FICD: variants seen among roughly 807,000 people sequenced by gnomAD.
The protein encoded by FICD is FIC domain protein adenylyltransferase.
A neutral mutation model predicts 28.0 loss-of-function variants in FICD; 13 were observed. The observed-to-expected ratio is 0.46, with a 90% confidence interval of 0.30 to 0.74. FICD has a LOEUF of 0.74. FICD is among the 30% of genes least tolerant of loss of function. The pLI is 0.07. For missense variants in FICD, 576 were observed against 624.5 expected, an observed-to-expected ratio of 0.92 and a Z score of 0.83; for synonymous variants, 268 against 266.4, an observed-to-expected ratio of 1.01 and a Z score of -0.06.
Position 108,518,780 on chromosome 12 carries a change from T to C in FICD, c.682T>C (p.Tyr228His), listed in dbSNP as rs1481152447. The change falls in exon 3 of 3, where the codon TAC (tyrosine) becomes CAC (histidine). Residue 228 changes from tyrosine to histidine, a missense_variant. Physicochemically the swap from Tyr to His is moderately conservative, Grantham distance 83. Coordinates refer to ENST00000552695, the MANE Select transcript of FICD (RefSeq NM_007076.3). This position sits in a 1 kb window ranked among gnomAD's most constrained non-coding sequence, Gnocchi z 4.4. ...GGAGGAGACCTACTACCATCACATCTACCACACAGTGGCCATCGAGGGCAA... is the reference window on the plus strand; with the variant it reads ...GGAGGAGACCTACTACCATCACATCCACCACACAGTGGCCATCGAGGGCAA... ...VMEETYYHHI[Y>H]HTVAIEGNTL... 1 of 1,614,162 alleles carries C rather than the reference T, an allele frequency of 6.2e-7. No homozygotes were observed. Among genetic ancestry groups the C allele is most frequent in the Admixed American group, 1.7e-5 (1 of 60,022 alleles).
At position 108,519,351 on chromosome 12, in the gene FICD, T is replaced by G; in HGVS notation, c.1253T>G (p.Ile418Ser). 1 of 1,614,104 alleles carries G rather than the reference T, an allele frequency of 6.2e-7. No homozygotes were observed. Among genetic ancestry groups the G allele is most frequent in the Non-Finnish European group, 8.5e-7 (1 of 1,180,016 alleles). ...GACGTGAGGCCTTTCATTCGCTTCA[T>G]CGCCAAGTGTACTGAGACCACCCTG... is the stretch of plus-strand genomic sequence containing the variant. ...EGDVRPFIRF[I>S]AKCTETTLDT... The change falls in exon 3 of 3, where the codon ATC becomes AGC. Residue 418 changes from isoleucine (I) to serine (S), a missense_variant. Coordinates refer to ENST00000552695, the MANE Select transcript of FICD (RefSeq NM_007076.3). The surrounding 1 kb of genome is among the most constrained non-coding windows in gnomAD (Gnocchi z 4.5).
chr12:108,515,697 C>G (rs1463474274), intron 1 of FICD, among the ~76,000 whole-genome samples: 1 of 152,186 alleles, frequency 6.6e-6, no homozygotes, highest in African/African-American at 2.4e-5. Context: ...CCTATTAAAG[C>G]GCACCCCAAG....
At chr12:108,515,806 G>A (rs1464493228) in intron 1 of FICD, among the ~76,000 whole-genome samples, 1 of 152,228 alleles carries the variant, frequency 6.6e-6, no homozygotes, top group African/African-American at 2.4e-5. Context: ...CCCAGAGCAG[G>A]TGCACAGGCC....
In FICD at chr12:108,519,223, G is replaced by C; in HGVS notation, c.1125G>C (p.Leu375=). 6.2e-7 allele frequency: 1 copy of C among 1,614,234 alleles called. No homozygotes were observed. The highest frequency in any genetic ancestry group is 8.5e-7 in the Non-Finnish European group (1 of 1,180,046). ...FIDGNGRTSR[L]LMNLILMQAG... ...ATGGCAACGGGAGGACCTCCCGTCT[G>C]CTCATGAACCTCATCCTCATGCAGG... is the stretch of plus-strand genomic sequence containing the variant. Residue 375 remains leucine (L), a synonymous_variant, in exon 3 of 3, where the codon CTG becomes CTC. Coordinates refer to ENST00000552695, the MANE Select transcript of FICD (RefSeq NM_007076.3). This position sits in a 1 kb window ranked among gnomAD's most constrained non-coding sequence, Gnocchi z 4.5.
In FICD at chr12:108,516,949, C is replaced by A; in HGVS notation, c.-24C>A. ...TCTCTCAGCCGCCTGTGGACATGCG[C>A]AAAGGGCCCTCTCCTGAGTCCAGAT... is the stretch of plus-strand genomic sequence containing the variant. On this transcript the variant is annotated 5_prime_UTR_variant, in exon 2 of 3. Transcript: ENST00000552695. 6.9e-7 allele frequency: 1 copy of A among 1,451,248 alleles called. No homozygotes were observed. The highest frequency in any genetic ancestry group is 9.2e-7 in the Non-Finnish European group (1 of 1,092,542). The allele number at this position is 1,451,248 out of a possible 1,614,324, so 89.9% of individuals were successfully genotyped here.
chr12:108,517,266 C>G lies in FICD; in HGVS notation c.294C>G (p.Ala98=). The change falls in exon 2 of 3, where the codon GCC becomes GCG. Residue 98 remains alanine, a synonymous_variant. Coordinates refer to ENST00000552695, the MANE Select transcript of FICD (RefSeq NM_007076.3). ...CGCTGCTGGTGGCCAAGACCAAGGC[C>G]TCTCCAGGTAAGACAGACTGGCCGT... ...GATLLVAKTK[A]SPAGKLEARA... 2.0e-6 allele frequency: 3 copies of G among 1,529,328 alleles called. No individual in the cohort carries two copies. In the South Asian group the frequency reaches 3.8e-5, roughly 19 times the overall value. 94.7% of individuals were successfully genotyped at this position (1,529,328 alleles called of 1,614,324 possible).
rs756743501 is a variant in FICD at position 108,518,407 on chromosome 12, G to A, written c.309G>A (p.Lys103=). 2 of 1,613,842 alleles carry A rather than the reference G, an allele frequency of 1.2e-6. No individual in the cohort carries two copies. The highest frequency in any genetic ancestry group is 4.5e-5 in the East Asian group (2 of 44,874). Reference sequence around the variant, plus strand: ...TCTTTGGCTCTCTTCCAGCGGGTAAGTTGGAAGCCAGAGCTGCCCTGAACC... The same window carrying A: ...TCTTTGGCTCTCTTCCAGCGGGTAAATTGGAAGCCAGAGCTGCCCTGAACC... ...VAKTKASPAG[K]LEARAALNQA... Residue 103 remains lysine (K), a synonymous_variant, in exon 3 of 3, where the codon AAG becomes AAA. Coordinates refer to ENST00000552695, the MANE Select transcript of FICD (RefSeq NM_007076.3). The surrounding 1 kb of genome is among the most constrained non-coding windows in gnomAD (Gnocchi z 4.4).
Position 108,519,034 on chromosome 12 carries a change from A to C in FICD, c.936A>C (p.Thr312=), listed in dbSNP as rs1440329560. The C allele has an allele frequency of 1.9e-6, 3 of 1,614,228 alleles. No individual in the cohort carries two copies. Among genetic ancestry groups the C allele is most frequent in the Non-Finnish European group, 2.5e-6 (3 of 1,180,032 alleles). ...TGGAAGCCGGCAGGTTTCGGACAAC[A>C]CAGGTCCTGGTCGGACACCACATCC... The part of the protein sequence containing the change: ...DPVEAGRFRT[T]QVLVGHHIPP... The change falls in exon 3 of 3, where the codon ACA becomes ACC. Residue 312 remains threonine, a synonymous_variant. Transcript: ENST00000552695. This position sits in a 1 kb window ranked among gnomAD's most constrained non-coding sequence, Gnocchi z 4.5.
chr12:108,517,386 C>A, intron 2 of FICD, 113 bp downstream of exon 2: 1 of 837,350 alleles, frequency 1.2e-6, no homozygotes, highest in Non-Finnish European at 1.7e-6. Context: ...CAGCCCTGAG[C>A]TCCTAGTATA....
chr12:108,518,155 C>A lies in FICD; in HGVS notation c.302-245C>A, dbSNP rs922179132. 3 of 702,404 alleles carry A rather than the reference C, an allele frequency of 4.3e-6. No homozygotes were observed. In the African/African-American group the frequency reaches 5.2e-5, roughly 12 times the overall value. The allele number at this position is 702,404 out of a possible 1,614,324, so 43.5% of individuals were successfully genotyped here. On this transcript the variant is annotated intron_variant, in intron 2 of 2. Coordinates refer to ENST00000552695, the MANE Select transcript of FICD (RefSeq NM_007076.3). This position sits in a 1 kb window ranked among gnomAD's most constrained non-coding sequence, Gnocchi z 4.4. The stretch of plus-strand genomic sequence containing the variant: ...GCTAGGAAGCCAAGGAGGTGCCTCC[C>A]AGAATACAAGAGAGTGGCTCTGGGG...
chr12:108,517,203 C>T lies in FICD; in HGVS notation c.231C>T (p.Ser77=), dbSNP rs1307619996. Residue 77 remains serine, a synonymous_variant, in exon 2 of 3, where the codon AGC becomes AGT. Transcript: ENST00000552695. ...RAQHAATKCT[S]PSTELSITSR... Reference sequence around the variant, plus strand: ...AGCATGCCGCCACCAAGTGCACCAGCCCGTCCACGGAGCTCAGCATCACCT... The same window carrying T: ...AGCATGCCGCCACCAAGTGCACCAGTCCGTCCACGGAGCTCAGCATCACCT... 1.3e-6 allele frequency: 2 copies of T among 1,587,178 alleles called. No individual in the cohort carries two copies. The highest frequency in any genetic ancestry group is 8.6e-7 in the Non-Finnish European group (1 of 1,166,460).
rs774851840 is a variant in FICD, at chr12:108,518,258, C to A, written c.302-142C>A. ...CCGGGCATGTTGAGTACACACGATG[C>A]GGCTGCAACAAGCTCCTCAAGGCCA... is the stretch of plus-strand genomic sequence containing the variant. On this transcript the variant is annotated intron_variant, in intron 2 of 2. Transcript: ENST00000552695. This position sits in a 1 kb window ranked among gnomAD's most constrained non-coding sequence, Gnocchi z 4.4. 4.1e-6 allele frequency: 3 copies of A among 734,672 alleles called. No homozygotes were observed. The highest frequency in any genetic ancestry group is 7.3e-6 in the Non-Finnish European group (3 of 412,836). 45.5% of individuals were successfully genotyped at this position (734,672 alleles called of 1,614,324 possible).
At position 108,520,907 on chromosome 12, in the gene FICD, G is replaced by A. The variant is rs907066073; in HGVS notation, c.*1432G>A. On this transcript the variant is annotated 3_prime_UTR_variant, in exon 3 of 3. Transcript: ENST00000552695. The stretch of plus-strand genomic sequence containing the variant: ...CTAAAGTAGTTTATACAGTTCTTCA[G>A]TTGTATAAATAGCACAGAGTAGTTT... The A allele has an allele frequency of 1.3e-5, 2 of 152,164 alleles. No individual in the cohort carries two copies. The highest frequency in any genetic ancestry group is 2.9e-5 in the Non-Finnish European group (2 of 68,048). The allele number at this position is 152,164 out of a possible 1,614,324, so 9.4% of individuals were successfully genotyped here.
In FICD at chr12:108,518,669, G is replaced by T; in HGVS notation, c.571G>T (p.Asp191Tyr). Residue 191 changes from aspartate (D) to tyrosine (Y), a missense_variant, in exon 3 of 3, where the codon GAC (aspartate) becomes TAC (tyrosine). Physicochemically the swap from Asp to Tyr is radical, Grantham distance 160. Coordinates refer to ENST00000552695, the MANE Select transcript of FICD (RefSeq NM_007076.3). The surrounding 1 kb of genome is among the most constrained non-coding windows in gnomAD (Gnocchi z 4.4). ...DRTLPLVEEI[D>Y]QRYFSIIDSK... ...GACACTGCCTCTTGTGGAAGAGATC[G>T]ACCAGAGGTATTTCAGCATCATCGA... 1 of 1,614,146 alleles carries T rather than the reference G, an allele frequency of 6.2e-7. No homozygotes were observed. The highest frequency in any genetic ancestry group is 1.1e-5 in the South Asian group (1 of 91,038).
At chr12:108,516,020 C>T (rs1463809360) in intron 1 of FICD, among the ~76,000 whole-genome samples, 1 of 152,154 alleles carries the variant, frequency 6.6e-6, no homozygotes, top group Non-Finnish European at 1.5e-5. Flanking sequence ...CGAGGCAATG[C>T]GTGGCCAGTA....
In FICD at chr12:108,521,175, A is replaced by G. The variant is rs946126460; in HGVS notation, c.*1700A>G. The stretch of plus-strand genomic sequence containing the variant: ...TATGTGAAGGATATTATTTTAACAA[A>G]TTCCTGATTCTAATAAAGTTATTTT... On this transcript the variant is annotated 3_prime_UTR_variant, in exon 3 of 3. Transcript: ENST00000552695. The G allele has an allele frequency of 6.6e-6, 1 of 152,222 alleles. No homozygotes were observed. The highest frequency in any genetic ancestry group is 1.5e-5 in the Non-Finnish European group (1 of 68,050). 9.4% of individuals were successfully genotyped at this position (152,222 alleles called of 1,614,324 possible).
At position 108,517,186 on chromosome 12, in the gene FICD, G is replaced by A. The variant is rs762739948; in HGVS notation, c.214G>A (p.Ala72Thr). The A allele has an allele frequency of 2.8e-5, 45 of 1,592,966 alleles. No homozygotes were observed. The highest frequency in any genetic ancestry group is 2.1e-4 in the Admixed American group (12 of 58,280). Reference sequence around the variant, plus strand: ...CAAACCGGACAGGGCGCAGCATGCCGCCACCAAGTGCACCAGCCCGTCCAC... The same window carrying A: ...CAAACCGGACAGGGCGCAGCATGCCACCACCAAGTGCACCAGCCCGTCCAC... ...RSKPDRAQHAATKCTSPSTEL... is the reference protein window; with the variant it reads ...RSKPDRAQHATTKCTSPSTEL... Residue 72 changes from alanine (A) to threonine (T), a missense_variant, in exon 2 of 3, where the codon GCC (alanine) becomes ACC (threonine). Ala to Thr is a moderately conservative substitution (Grantham distance 58, BLOSUM62 0). Coordinates refer to ENST00000552695, the MANE Select transcript of FICD (RefSeq NM_007076.3).
intron 2 of FICD, 50 bp downstream of exon 2, chr12:108,517,323 A>C (rs1871940764): frequency 1.4e-6 from 2 of 1,408,276 alleles, no homozygotes; most frequent in African/African-American, 2.9e-5. Flanking sequence ...GGATAGACAG[A>C]CATAGAATGT....
In FICD at chr12:108,520,863, C is replaced by A. The variant is rs1872093386; in HGVS notation, c.*1388C>A. ...TTTGATTTGGTAATTCCGTTCCTGA[C>A]AGTAATGAGGCCACTGCTCTAAAGT... On this transcript the variant is annotated 3_prime_UTR_variant, in exon 3 of 3. Coordinates refer to ENST00000552695, the MANE Select transcript of FICD (RefSeq NM_007076.3). 1 of 152,202 alleles carries A rather than the reference C, an allele frequency of 6.6e-6. No homozygotes were observed. The highest frequency in any genetic ancestry group is 2.1e-4 in the South Asian group (1 of 4,830). 9.4% of individuals were successfully genotyped at this position (152,202 alleles called of 1,614,324 possible). A position where few individuals can be genotyped will look rare whatever the true frequency, so the allele number is the denominator to read the frequency against.
Sources: gnomAD v4.1 joint callset for allele counts (sites outside exome capture counted in the v4.1 genomes callset) on GRCh38, gnomAD v4.1.1 for gene constraint, Gnocchi (gnomAD v3.1) non-coding constraint, MANE v1.5 for transcripts, NCBI Gene and HGNC (gene_info 2026-07-23, HGNC 2026-07-21) for gene names.